Variants in GOLGA7B observed in about 807,000 individuals in gnomAD.
GOLGA7B encodes the protein golgin A7 family member B.
Under a neutral mutation model 21.5 loss-of-function variants are expected in GOLGA7B, and 17 were observed. That is an observed-to-expected ratio of 0.79 (90% CI 0.54 to 1.19). The LOEUF (loss-of-function observed/expected upper bound fraction) is 1.19. Ranked by LOEUF, GOLGA7B falls within the 50% of genes most tolerant of loss-of-function variation. The pLI is 0.00. For synonymous variants in GOLGA7B, 87 were observed against 84.0 expected, an observed-to-expected ratio of 1.04 and a Z score of -0.19; for missense variants, 169 against 224.4, an observed-to-expected ratio of 0.75 and a Z score of 1.58.
In GOLGA7B at chr10:97,864,102, C is replaced by T. The variant is rs968089128; in HGVS notation, c.291+20C>T. 31 of 1,613,734 alleles carry T rather than the reference C, an allele frequency of 1.9e-5. No homozygotes were observed. Among genetic ancestry groups the T allele is most frequent in the Admixed American group, 1.2e-4 (7 of 60,004 alleles). On this transcript the variant is annotated intron_variant, in intron 3 of 4. Transcript: ENST00000370602. ...GAGAAGGTGGCCCCTCCCGCCCCAC[C>T]GTGCATCCCTTCCCTCAGGGCTGCC...
intron 2 of GOLGA7B, among the ~76,000 whole-genome samples, 170 bp from the exon 3 acceptor site, chr10:97,863,760 C>T (rs2049987646): frequency 1.3e-5 from 2 of 152,254 alleles, no homozygotes; most frequent in South Asian, 4.1e-4. Context: ...AGTCTCCTGA[C>T]TCCCAGGCCA....
Position 97,864,225 on chromosome 10 carries a change from C to T in GOLGA7B, c.349C>T (p.Arg117Ter), listed in dbSNP as rs780606484. 5.6e-6 allele frequency: 9 copies of T among 1,614,144 alleles called. No individual in the cohort carries two copies. The highest frequency in any genetic ancestry group is 2.2e-5 in the East Asian group (1 of 44,868). ...GCAGAATGAGAAGATCTTTGCACCT[C>T]GAGGCCTCCTACTTACAGACCCTGT... ...QEQNEKIFAP[R>*]GLLLTDPVER... The change falls in exon 4 of 5, where the codon CGA (arginine) becomes TGA (stop). Residue 117 changes from arginine (R) to a stop codon, truncating the protein, a stop_gained. Transcript: ENST00000370602. LOFTEE classifies it high-confidence loss of function.
chr10:97,868,538 G>A lies in GOLGA7B; in HGVS notation c.*2838G>A, dbSNP rs2050053820. On this transcript the variant is annotated 3_prime_UTR_variant, in exon 5 of 5. Transcript: ENST00000370602. ...GGTGGGGGCTGGGCAGTCCCCTCTG[G>A]GTGGTTCTCATGTTTGTTGTCACTG... is the stretch of plus-strand genomic sequence containing the variant. 1 of 152,330 alleles carries A rather than the reference G, an allele frequency of 6.6e-6. No individual in the cohort carries two copies. The allele number at this position is 152,330 out of a possible 1,614,324, so 9.4% of individuals were successfully genotyped here.
At chr10:97,864,328 G>A (rs1363548538) in intron 4 of GOLGA7B, 59 bp downstream of exon 4, 2 of 1,461,788 alleles carry the variant, frequency 1.4e-6, no homozygotes, top group South Asian at 1.2e-5. Flanking sequence ...TAGAGATCCT[G>A]GTGAGGCTGC....
At position 97,864,207 on chromosome 10, in the gene GOLGA7B, GAGA is replaced by G. The variant is rs760778108; in HGVS notation, c.335_337del (p.Lys112del). 1.2e-6 allele frequency: 2 copies of G among 1,614,188 alleles called. No individual in the cohort carries two copies. Among genetic ancestry groups the G allele is most frequent in the East Asian group, 2.2e-5 (1 of 44,876 alleles). Reference sequence around the variant, plus strand: ...TTCCCGCTACATCCAGGAGCAGAATGAGAAGATCTTTGCACCTCGAGGCCTCCT... The same window carrying G: ...TTCCCGCTACATCCAGGAGCAGAATGAGATCTTTGCACCTCGAGGCCTCCT... On this transcript the variant is annotated inframe_deletion, in exon 4 of 5. Transcript: ENST00000370602.
chr10:97,865,411 C>CTAAG, intron 4 of GOLGA7B, 179 bp from the exon 5 acceptor site: 1 of 1,053,924 alleles, frequency 9.5e-7, no homozygotes, highest in East Asian at 2.6e-5. Flanking sequence ...TAATTGTTAG[C>CTAAG]TAAGTAATGT....
In GOLGA7B at chr10:97,856,738, G is replaced by A. The variant is rs72837906; in HGVS notation, c.13-2720G>A. On this transcript the variant is annotated intron_variant, in intron 1 of 4. Coordinates refer to ENST00000370602, the MANE Select transcript of GOLGA7B (RefSeq NM_001010917.3). The stretch of plus-strand genomic sequence containing the variant: ...AGTGTTCCCTGTTCTCTGCATCTAT[G>A]CCAGCATCTGTTGTTTTTTTAATAA... Among the ~76,000 whole-genome samples the A allele has an allele frequency of 5.0e-3, 762 of 152,172 alleles. 4 individuals carry two copies. The highest frequency in any genetic ancestry group is 0.01 in the Middle Eastern group (3 of 294).
At chr10:97,862,974 A>G (rs1165964129) in intron 2 of GOLGA7B, among the ~76,000 whole-genome samples, 1 of 152,086 alleles carries the variant, frequency 6.6e-6, no homozygotes, top group Non-Finnish European at 1.5e-5. Context: ...GGAGAGGAGG[A>G]GACGGGCCCA....
At chr10:97,865,007 T>A (rs2050003500) in intron 4 of GOLGA7B, 1 of 152,600 alleles carries the variant, frequency 6.6e-6, no homozygotes, top group African/African-American at 2.4e-5. Flanking sequence ...GAATCACGTG[T>A]TGACAAAGCC....
intron 1 of GOLGA7B, among the ~76,000 whole-genome samples, chr10:97,859,012 G>A (rs1428181248): frequency 2.0e-5 from 3 of 152,294 alleles, no homozygotes; most frequent in Non-Finnish European, 2.9e-5. Flanking sequence ...GTGTGTGCAC[G>A]TGCACGTGCG....
chr10:97,864,734 C>T (rs1388509588), intron 4 of GOLGA7B, among the ~76,000 whole-genome samples: 2 of 152,084 alleles, frequency 1.3e-5, no homozygotes, highest in Non-Finnish European at 2.9e-5. Flanking sequence ...ATGGAATCTC[C>T]CGTGGCAGGT....
chr10:97,859,627 G>T (rs1046452016), intron 2 of GOLGA7B, 44 bp downstream of exon 2: 1 of 1,596,706 alleles, frequency 6.3e-7, no homozygotes. Flanking sequence ...GGCTGTGATG[G>T]AACTGAGGTT....
intron 2 of GOLGA7B, among the ~76,000 whole-genome samples, chr10:97,862,745 G>T (rs969040631): frequency 7.2e-4 from 109 of 152,194 alleles, no homozygotes; most frequent in African/African-American, 2.6e-3. Context: ...CCTCACTCAG[G>T]AGGTAACAAA....
At chr10:97,857,362 GACACACACACACACACAC>G (rs60908270) in intron 1 of GOLGA7B, among the ~76,000 whole-genome samples, 2 of 135,446 alleles carry the variant, frequency 1.5e-5, no homozygotes, top group African/African-American at 2.8e-5. Flanking sequence ...ACAATAGCCA[GACACACACACACACACAC>G]ACACACACAC....
At position 97,864,417 on chromosome 10, in the gene GOLGA7B, C is replaced by T. The variant is rs1017402515; in HGVS notation, c.393+148C>T. ...ACATCAGTGGTCCTCAGCCCTCCTCCACCACCCTAAGTTATTGGAGGCTTT... is the reference window on the plus strand; with the variant it reads ...ACATCAGTGGTCCTCAGCCCTCCTCTACCACCCTAAGTTATTGGAGGCTTT... On this transcript the variant is annotated intron_variant, in intron 4 of 4. Transcript: ENST00000370602. 2.5e-5 allele frequency: 16 copies of T among 630,562 alleles called. No individual in the cohort carries two copies. In the Admixed American group the frequency reaches 4.3e-4, roughly 17 times the overall value. 39.1% of individuals were successfully genotyped at this position (630,562 alleles called of 1,614,324 possible).
intron 4 of GOLGA7B, among the ~76,000 whole-genome samples, chr10:97,864,546 A>G (rs960656878): frequency 1.3e-5 from 2 of 152,232 alleles, no homozygotes; most frequent in Admixed American, 6.5e-5. Context: ...TGTACTTCTC[A>G]TAACAATCTT....
rs2050071984 is a variant in GOLGA7B at position 97,869,850 on chromosome 10, C to G, written c.*4150C>G. 6.6e-6 allele frequency: 1 copy of G among 152,282 alleles called. No homozygotes were observed. Among genetic ancestry groups the G allele is most frequent in the South Asian group, 2.1e-4 (1 of 4,828 alleles). The allele number at this position is 152,282 out of a possible 1,614,324, so 9.4% of individuals were successfully genotyped here. On this transcript the variant is annotated 3_prime_UTR_variant, in exon 5 of 5. Transcript: ENST00000370602. Reference sequence around the variant, plus strand: ...AGCCTGGGAAACTCCACATCCCTCTCCACACCTCTAGAAGGACTCACAATG... The same window carrying G: ...AGCCTGGGAAACTCCACATCCCTCTGCACACCTCTAGAAGGACTCACAATG...
chr10:97,865,644 A>AGCAGCAGCGGCAGTG lies in GOLGA7B; in HGVS notation c.457_471dup (p.Gly153_Ser157dup). ...CAGCAGTGGCAGCTCCAGCAGCGGC[A>AGCAGCAGCGGCAGTG]GCAGCAGCGGCAGTGGCAGCAGCAG... On this transcript the variant is annotated inframe_insertion, in exon 5 of 5. Transcript: ENST00000370602. The AGCAGCAGCGGCAGTG allele has an allele frequency of 1.2e-6, 2 of 1,611,886 alleles. No homozygotes were observed. The highest frequency in any genetic ancestry group is 1.7e-6 in the Non-Finnish European group (2 of 1,179,116).
chr10:97,852,389 G>T (rs976115201), intron 1 of GOLGA7B, among the ~76,000 whole-genome samples: 1 of 152,046 alleles, frequency 6.6e-6, no homozygotes, highest in Non-Finnish European at 1.5e-5. Flanking sequence ...ACAGAGGAAA[G>T]TCCCGGAGTG....
Sources: allele counts gnomAD v4.1 joint callset (sites outside exome capture counted in the v4.1 genomes callset), GRCh38; gene constraint gnomAD v4.1.1; transcripts MANE v1.5; gene names NCBI Gene and HGNC (gene_info 2026-07-23, HGNC 2026-07-21).